Variants in LRRN3 observed in about 807,000 individuals in gnomAD.
LRRN3 encodes leucine-rich repeat neuronal protein 3.
A neutral mutation model predicts 40.1 loss-of-function variants in LRRN3; 15 were observed. The ratio of observed to expected loss-of-function variants is 0.37; its 90% CI spans 0.25 to 0.58. The LOEUF (loss-of-function observed/expected upper bound fraction) is 0.58. LRRN3 is among the 20% of genes least tolerant of loss of function. The probability of loss-of-function intolerance (pLI) is 0.72; values close to 1 mark genes in which losing one functional copy is unlikely to be tolerated. For missense variants in LRRN3, 746 were observed against 837.7 expected, an observed-to-expected ratio of 0.89 and a Z score of 1.35; for synonymous variants, 308 against 297.2, an observed-to-expected ratio of 1.04 and a Z score of -0.37.
chr7:111,096,066 C>T (rs1586230726), intron 1 of LRRN3, among the ~76,000 whole-genome samples: 1 of 151,924 alleles, frequency 6.6e-6, no homozygotes, highest in East Asian at 1.9e-4. Context: ...AATTAATTGA[C>T]TCAACTTGTA....
rs1400543846 is a variant in LRRN3, at chr7:111,123,446, C to T, written c.674C>T (p.Thr225Ile). The change falls in exon 3 of 3, where the codon ACA (threonine) becomes ATA (isoleucine). Residue 225 changes from threonine to isoleucine, a missense_variant. Physicochemically the swap from Thr to Ile is moderately conservative, Grantham distance 89. Transcript: ENST00000308478. The surrounding 1 kb of genome is among the most constrained non-coding windows in gnomAD (Gnocchi z 6.4). ...CTGGTTATAGCTGGTATAAACCTCA[C>T]AGAAATACCAGATAACGCCTTGGTT... Reference protein sequence around the residue: ...RSLVIAGINLTEIPDNALVGL... With the variant: ...RSLVIAGINLIEIPDNALVGL... The T allele has an allele frequency of 8.1e-6, 13 of 1,613,274 alleles. No homozygotes were observed. Among genetic ancestry groups the T allele is most frequent in the South Asian group, 6.6e-5 (6 of 90,956 alleles).
At chr7:111,104,842 G>A (rs771062831) in intron 2 of LRRN3, among the ~76,000 whole-genome samples, 2 of 151,750 alleles carry the variant, frequency 1.3e-5, no homozygotes, top group Non-Finnish European at 3.0e-5. Flanking sequence ...TATTTAGAAC[G>A]AGAGGGTCAT....
Position 111,123,922 on chromosome 7 carries a change from A to T in LRRN3, c.1150A>T (p.Thr384Ser), listed in dbSNP as rs1479856161. ...CVIRWMNMNK[T>S]NIRFMEPDSL... ...CATCCGTTGGATGAACATGAACAAA[A>T]CCAACATTCGATTCATGGAGCCAGA... The change falls in exon 3 of 3, where the codon ACC (threonine) becomes TCC (serine). Residue 384 changes from threonine to serine, a missense_variant. Thr to Ser is a moderately conservative substitution (Grantham distance 58). Transcript: ENST00000308478. The surrounding 1 kb of genome is among the most constrained non-coding windows in gnomAD (Gnocchi z 6.4). 6.2e-7 allele frequency: 1 copy of T among 1,613,844 alleles called. No individual in the cohort carries two copies. Among genetic ancestry groups the T allele is most frequent in the Non-Finnish European group, 8.5e-7 (1 of 1,180,008 alleles).
In LRRN3 at chr7:111,123,729, C is replaced by A; in HGVS notation, c.957C>A (p.Asn319Lys). The change falls in exon 3 of 3, where the codon AAC becomes AAA. Residue 319 changes from asparagine (N) to lysine (K), a missense_variant. Physicochemically the swap from Asn to Lys is moderately conservative, Grantham distance 94. Transcript: ENST00000308478. This position sits in a 1 kb window ranked among gnomAD's most constrained non-coding sequence, Gnocchi z 6.4. Reference sequence around the variant, plus strand: ...TAAGAAAAATAGAAGCTACTAACAACCCTAGATTGTCTTACATTCACCCCA... The same window carrying A: ...TAAGAAAAATAGAAGCTACTAACAAACCTAGATTGTCTTACATTCACCCCA... ...PDLRKIEATN[N>K]PRLSYIHPNA... 2 of 1,613,844 alleles carry A rather than the reference C, an allele frequency of 1.2e-6. No individual in the cohort carries two copies. The highest frequency in any genetic ancestry group is 8.5e-7 in the Non-Finnish European group (1 of 1,179,916).
At chr7:111,092,900 C>G (rs996062115) in intron 1 of LRRN3, among the ~76,000 whole-genome samples, 7 of 152,170 alleles carry the variant, frequency 4.6e-5, no homozygotes, top group African/African-American at 1.7e-4. Context: ...ACACAGTTAA[C>G]AGAGTCAGCT....
chr7:111,114,606 G>T (rs998266602), intron 2 of LRRN3, among the ~76,000 whole-genome samples: 3 of 151,532 alleles, frequency 2.0e-5, no homozygotes, highest in Non-Finnish European at 4.4e-5. Flanking sequence ...TGTGGTGGCA[G>T]GTGCCTGTAA....
At chr7:111,096,131 C>T (rs1179668481) in intron 1 of LRRN3, among the ~76,000 whole-genome samples, 1 of 151,898 alleles carries the variant, frequency 6.6e-6, no homozygotes, top group East Asian at 1.9e-4. Flanking sequence ...AAAGCTCTAC[C>T]ATTTACAGAG....
chr7:111,107,107 G>C (rs1407951990), intron 2 of LRRN3, among the ~76,000 whole-genome samples: 1 of 151,894 alleles, frequency 6.6e-6, no homozygotes, highest in African/African-American at 2.4e-5. Context: ...ACAATACTTA[G>C]AATCTCTCTC....
At position 111,123,831 on chromosome 7, in the gene LRRN3, C is replaced by A. The variant is rs1481255547; in HGVS notation, c.1059C>A (p.Thr353=). Residue 353 remains threonine, a synonymous_variant, in exon 3 of 3, where the codon ACC becomes ACA. Coordinates refer to ENST00000308478, the MANE Select transcript of LRRN3 (RefSeq NM_001099658.2). The surrounding 1 kb of genome is among the most constrained non-coding windows in gnomAD (Gnocchi z 6.4). ...CTCTCAGTGCCCTGTACCATGGTAC[C>A]ATTGAGTCTCTGCCAAACCTCAAGG... The part of the protein sequence containing the change: ...SNALSALYHG[T]IESLPNLKEI... 6.2e-7 allele frequency: 1 copy of A among 1,613,950 alleles called. No homozygotes were observed. Among genetic ancestry groups the A allele is most frequent in the Non-Finnish European group, 8.5e-7 (1 of 1,179,964 alleles).
chr7:111,095,140 G>C (rs1797270927), intron 1 of LRRN3, among the ~76,000 whole-genome samples: 2 of 151,932 alleles, frequency 1.3e-5, no homozygotes, highest in Admixed American at 1.3e-4. Flanking sequence ...TCAGGAGACG[G>C]GGAATAAAGA....
chr7:111,109,676 G>A (rs1177627670), intron 2 of LRRN3, among the ~76,000 whole-genome samples: 1 of 152,172 alleles, frequency 6.6e-6, no homozygotes, highest in Non-Finnish European at 1.5e-5. Context: ...GGGTATAACT[G>A]CACATGCTGA....
Position 111,123,000 on chromosome 7 carries a change from A to T in LRRN3, c.228A>T (p.Leu76=), listed in dbSNP as rs770161685. ...CAGCTAACACACAGATTCTTCTCCT[A>T]CAGACTAACAATATTGCAAAAATTG... The part of the protein sequence containing the change: ...RLPANTQILL[L]QTNNIAKIEY... Residue 76 remains leucine (L), a synonymous_variant, in exon 3 of 3, where the codon CTA becomes CTT. Coordinates refer to ENST00000308478, the MANE Select transcript of LRRN3 (RefSeq NM_001099658.2). 5.6e-6 allele frequency: 9 copies of T among 1,613,824 alleles called. No homozygotes were observed. The highest frequency in any genetic ancestry group is 2.7e-5 in the African/African-American group (2 of 74,912).
At chr7:111,095,503 A>T (rs1212089801) in intron 1 of LRRN3, among the ~76,000 whole-genome samples, 1 of 152,078 alleles carries the variant, frequency 6.6e-6, no homozygotes, top group African/African-American at 2.4e-5. Flanking sequence ...AAAAGCCAAT[A>T]TTCAATAATA....
At chr7:111,093,439 C>T (rs1013766287) in intron 1 of LRRN3, among the ~76,000 whole-genome samples, 2 of 152,160 alleles carry the variant, frequency 1.3e-5, no homozygotes, top group Non-Finnish European at 1.5e-5. Context: ...GAAGTAGATA[C>T]TCAACCCTCT....
Position 111,123,330 on chromosome 7 carries a change from T to C in LRRN3, c.558T>C (p.Ala186=). The stretch of plus-strand genomic sequence containing the variant: ...TGATCAACAGTAAGTGGTTTGATGC[T>C]CTTCCAAATCTAGAGATTCTGATGA... ...LQMINSKWFD[A]LPNLEILMIG... is the part of the protein sequence containing the mutation. The change falls in exon 3 of 3, where the codon GCT becomes GCC. Residue 186 remains alanine, a synonymous_variant. Coordinates refer to ENST00000308478, the MANE Select transcript of LRRN3 (RefSeq NM_001099658.2). This position sits in a 1 kb window ranked among gnomAD's most constrained non-coding sequence, Gnocchi z 6.4. 1 of 1,613,848 alleles carries C rather than the reference T, an allele frequency of 6.2e-7. No individual in the cohort carries two copies.
intron 2 of LRRN3, among the ~76,000 whole-genome samples, chr7:111,114,019 G>A (rs995633573): frequency 3.3e-5 from 5 of 152,000 alleles, no homozygotes; most frequent in African/African-American, 1.2e-4. Context: ...AATATCTATT[G>A]ATAGAAATAA....
intron 2 of LRRN3, among the ~76,000 whole-genome samples, chr7:111,107,197 T>C (rs749089628): frequency 6.6e-6 from 1 of 151,850 alleles, no homozygotes; most frequent in Non-Finnish European, 1.5e-5. Context: ...TTCCCTCCCT[T>C]CTTCCTTCTC....
At position 111,123,025 on chromosome 7, in the gene LRRN3, G is replaced by A. The variant is rs761171917; in HGVS notation, c.253G>A (p.Glu85Lys). 6.2e-7 allele frequency: 1 copy of A among 1,613,836 alleles called. No individual in the cohort carries two copies. Among genetic ancestry groups the A allele is most frequent in the Non-Finnish European group, 8.5e-7 (1 of 1,179,932 alleles). ...ACAGACTAACAATATTGCAAAAATT[G>A]AATACTCCACAGACTTTCCAGTAAA... ...LLQTNNIAKI[E>K]YSTDFPVNLT... Residue 85 changes from glutamate (E) to lysine (K), a missense_variant, in exon 3 of 3, where the codon GAA (glutamate) becomes AAA (lysine). By Grantham distance (56) the Glu-to-Lys change is moderately conservative (BLOSUM62 1). Transcript: ENST00000308478. This position sits in a 1 kb window ranked among gnomAD's most constrained non-coding sequence, Gnocchi z 6.4.
chr7:111,115,212 C>T (rs1342381142), intron 2 of LRRN3, among the ~76,000 whole-genome samples: 1 of 152,120 alleles, frequency 6.6e-6, no homozygotes, highest in Non-Finnish European at 1.5e-5. Flanking sequence ...GAATAATGTA[C>T]TGTTATGACA....
Sources: allele counts gnomAD v4.1 joint callset (sites outside exome capture counted in the v4.1 genomes callset), GRCh38; gene constraint gnomAD v4.1.1; non-coding constraint Gnocchi (gnomAD v3.1); transcripts MANE v1.5; gene names NCBI Gene and HGNC (gene_info 2026-07-23, HGNC 2026-07-21).